SULT4A1: variants seen among roughly 807,000 people sequenced by gnomAD.
The protein encoded by SULT4A1 is sulfotransferase 4A1.
SULT4A1 carries 11 observed loss-of-function variants against 35.2 expected under a neutral mutation model. The observed-to-expected ratio is 0.31, with a 90% CI of 0.20 to 0.52. SULT4A1 has a LOEUF of 0.52. Among genes scored for constraint, SULT4A1 ranks in the 20% least tolerant of loss-of-function variants. The pLI is 0.97. For missense variants in SULT4A1, 271 were observed against 383.7 expected, an observed-to-expected ratio of 0.71 and a Z score of 2.45; for synonymous variants, 152 against 151.8, an observed-to-expected ratio of 1.00 and a Z score of -0.01.
At position 43,825,707 on chromosome 22, in the gene SULT4A1, C is replaced by CAG; in HGVS notation, c.*292_*293dup. The CAG allele has an allele frequency of 4.3e-6, 1 of 233,472 alleles. No homozygotes were observed. Among genetic ancestry groups the CAG allele is most frequent in the Non-Finnish European group, 8.2e-6 (1 of 122,254 alleles). 14.5% of individuals were successfully genotyped at this position (233,472 alleles called of 1,614,324 possible). A position where few individuals can be genotyped will look rare whatever the true frequency, so the allele number is the denominator to read the frequency against. On this transcript the variant is annotated 3_prime_UTR_variant, in exon 7 of 7. Transcript: ENST00000330884. ...ATACAATAATACGGGGTTGAAAAGGCAGACATTCTAGTTGCATATATTACA... is the reference window on the plus strand; with the variant it reads ...ATACAATAATACGGGGTTGAAAAGGCAGAGACATTCTAGTTGCATATATTACA...
chr22:43,826,798 C>T (rs770374787), intron 6 of SULT4A1: 238 of 985,430 alleles, frequency 2.4e-4, no homozygotes, highest in Non-Finnish European at 2.8e-4. Flanking sequence ...GCAAAACATG[C>T]ACTGCAGTGA....
At chr22:43,862,021 C>T (rs2049475665) in intron 1 of SULT4A1, among the ~76,000 whole-genome samples, 193 bp downstream of exon 1, 2 of 152,152 alleles carry the variant, frequency 1.3e-5, no homozygotes, top group African/African-American at 4.8e-5. Context: ...GAACCAAGCC[C>T]CTTCCCACCC....
At chr22:43,842,080 C>G (rs1250121096) in intron 1 of SULT4A1, 148 bp from the exon 2 acceptor site, 1 of 1,290,574 alleles carries the variant, frequency 7.7e-7, no homozygotes, top group African/African-American at 1.5e-5. Flanking sequence ...GAGCGCGCCC[C>G]GCACGGTCTC....
intron 5 of SULT4A1, 83 bp downstream of exon 5, chr22:43,833,557 C>A: frequency 1.8e-6 from 2 of 1,129,392 alleles, no homozygotes; most frequent in Non-Finnish European, 2.6e-6. Flanking sequence ...CTCCCACACG[C>A]CCACTGTAAA....
chr22:43,844,653 C>G (rs1020619616), intron 1 of SULT4A1, among the ~76,000 whole-genome samples: 3 of 152,152 alleles, frequency 2.0e-5, no homozygotes, highest in Non-Finnish European at 2.9e-5. Flanking sequence ...CCAGGCTGCA[C>G]CCTCCTGGGC....
intron 1 of SULT4A1, among the ~76,000 whole-genome samples, chr22:43,848,161 G>C (rs1371570406): frequency 1.3e-5 from 2 of 152,188 alleles, no homozygotes; most frequent in Non-Finnish European, 2.9e-5. Context: ...AGGAGTCCCA[G>C]GAATGACACC....
chr22:43,849,569 G>A (rs556686324), intron 1 of SULT4A1, among the ~76,000 whole-genome samples: 21 of 152,190 alleles, frequency 1.4e-4, no homozygotes, highest in African/African-American at 4.3e-4. Flanking sequence ...GTGTAGCTTC[G>A]GAGAGTCTGG....
intron 3 of SULT4A1, 87 bp downstream of exon 3, chr22:43,839,858 C>T: frequency 7.7e-7 from 1 of 1,303,042 alleles, no homozygotes; most frequent in South Asian, 1.3e-5. Flanking sequence ...CAGGTAAGTG[C>T]CAGGGACCTG....
chr22:43,833,823 T>C (rs1176448463), intron 4 of SULT4A1, 89 bp from the exon 5 acceptor site: 16 of 1,101,282 alleles, frequency 1.5e-5, no homozygotes, highest in Non-Finnish European at 1.6e-5. Flanking sequence ...GCTGCCCTCC[T>C]GCCACCCAGC....
chr22:43,861,914 G>A (rs1207362915), intron 1 of SULT4A1, among the ~76,000 whole-genome samples: 1 of 152,230 alleles, frequency 6.6e-6, no homozygotes, highest in African/African-American at 2.4e-5. Context: ...ATGGGTGGCG[G>A]CCCTGGGCCC....
chr22:43,857,998 C>A, intron 1 of SULT4A1, among the ~76,000 whole-genome samples: 1 of 126,286 alleles, frequency 7.9e-6, no homozygotes, highest in Non-Finnish European at 1.6e-5. Flanking sequence ...TGCAGTGAGC[C>A]ATGATTGCAT....
chr22:43,836,969 G>A (rs1041145009), intron 4 of SULT4A1, among the ~76,000 whole-genome samples: 1 of 152,268 alleles, frequency 6.6e-6, no homozygotes, highest in Admixed American at 6.5e-5. Context: ...CTGCCTCCAG[G>A]GCCCTTTGCC....
At chr22:43,842,351 T>C (rs1388032660) in intron 1 of SULT4A1, among the ~76,000 whole-genome samples, 2 of 152,136 alleles carry the variant, frequency 1.3e-5, no homozygotes, top group African/African-American at 4.8e-5. Context: ...ACTGAAGCTA[T>C]ATACACATAG....
chr22:43,836,044 T>C (rs1028863467), intron 4 of SULT4A1, among the ~76,000 whole-genome samples: 1 of 152,224 alleles, frequency 6.6e-6, no homozygotes, highest in African/African-American at 2.4e-5. Flanking sequence ...ATCTGGAATA[T>C]GAAGGAAGAA....
chr22:43,826,922 G>A, intron 6 of SULT4A1: 1 of 985,478 alleles, frequency 1.0e-6, no homozygotes, highest in Non-Finnish European at 1.2e-6. Context: ...GGGCTGAGCT[G>A]TGGGATAAAC....
At chr22:43,841,176 G>T (rs1373286417) in intron 2 of SULT4A1, among the ~76,000 whole-genome samples, 1 of 152,234 alleles carries the variant, frequency 6.6e-6, no homozygotes, top group East Asian at 1.9e-4. Flanking sequence ...CTGGGGTGCA[G>T]ACAGGGGCCC....
chr22:43,830,579 C>T (rs1306231688), intron 5 of SULT4A1, among the ~76,000 whole-genome samples: 1 of 152,264 alleles, frequency 6.6e-6, no homozygotes, highest in Non-Finnish European at 1.5e-5. Flanking sequence ...AGAGGCCGCA[C>T]ACCACGGCAC....
At chr22:43,839,419 C>T (rs1301656461) in intron 3 of SULT4A1, among the ~76,000 whole-genome samples, 2 of 152,142 alleles carry the variant, frequency 1.3e-5, no homozygotes, top group African/African-American at 4.8e-5. Flanking sequence ...CATGGTGAAA[C>T]CCTGTCTCTA....
intron 5 of SULT4A1, among the ~76,000 whole-genome samples, chr22:43,829,993 C>A (rs138064): frequency 0.89 from 135,137 of 152,246 alleles, 60,190 homozygotes; most frequent in East Asian, 0.99. Context: ...CCTTAAAAGA[C>A]AATGTTCTCT....
Sources: allele counts gnomAD v4.1 joint callset (sites outside exome capture counted in the v4.1 genomes callset), GRCh38; gene constraint gnomAD v4.1.1; transcripts MANE v1.5; gene names NCBI Gene and HGNC (gene_info 2026-07-23, HGNC 2026-07-21).